The following PREX1 variants were observed in gnomAD, a reference collection of about 807,000 sequenced individuals.
PREX1 encodes phosphatidylinositol-3,4,5-trisphosphate dependent Rac exchange factor 1, also known as phosphatidylinositol 3,4,5-trisphosphate-dependent Rac exchanger 1 protein.
Under a neutral mutation model 198.3 loss-of-function variants are expected in PREX1, and 41 were observed. The observed-to-expected ratio is 0.21, with a 90% confidence interval of 0.16 to 0.27. The LOEUF is 0.27. Ranked by LOEUF, PREX1 falls within the 10% of genes least tolerant of loss-of-function variation. PREX1 has a pLI of 1.00. For synonymous variants in PREX1, 843 were observed against 887.2 expected (o/e 0.95, Z 0.89); for missense variants, 1,620 against 2,200.7 (o/e 0.74, Z 5.28).
At chr20:48,794,722 C>T (rs905008122) in intron 1 of PREX1, among the ~76,000 whole-genome samples, 2 of 152,184 alleles carry the variant, frequency 1.3e-5, no homozygotes, top group Admixed American at 1.3e-4. Flanking sequence ...GGACAGGGTC[C>T]CTAAGAGGGG....
At chr20:48,687,344 T>C (rs1419126893) in intron 10 of PREX1, among the ~76,000 whole-genome samples, 1 of 152,208 alleles carries the variant, frequency 6.6e-6, no homozygotes, top group Non-Finnish European at 1.5e-5. Context: ...GCCATCTTCT[T>C]CTCCTTCTCA....
intron 1 of PREX1, among the ~76,000 whole-genome samples, chr20:48,751,474 G>A (rs566630624): frequency 3.5e-4 from 53 of 152,326 alleles, no homozygotes; most frequent in African/African-American, 1.1e-3. Flanking sequence ...CAAACAAGCC[G>A]GTGTGAAGGC....
At chr20:48,741,675 T>A (rs1443318907) in intron 3 of PREX1, among the ~76,000 whole-genome samples, 3 of 152,068 alleles carry the variant, frequency 2.0e-5, no homozygotes, top group Non-Finnish European at 4.4e-5. Flanking sequence ...ACTGTTCTGT[T>A]GAGAATGACA....
At chr20:48,676,963 T>G (rs2089713923) in intron 13 of PREX1, among the ~76,000 whole-genome samples, 1 of 152,212 alleles carries the variant, frequency 6.6e-6, no homozygotes, top group Non-Finnish European at 1.5e-5. Context: ...AGCATCTGAA[T>G]CCCTGCCGAG....
intron 10 of PREX1, among the ~76,000 whole-genome samples, chr20:48,686,226 C>G (rs1359423894): frequency 6.6e-6 from 1 of 152,130 alleles, no homozygotes; most frequent in Non-Finnish European, 1.5e-5. Flanking sequence ...GCTACCAAGT[C>G]CTTCTACCCT....
intron 1 of PREX1, among the ~76,000 whole-genome samples, chr20:48,788,449 T>C (rs1050481466): frequency 6.6e-6 from 1 of 152,096 alleles, no homozygotes; most frequent in African/African-American, 2.4e-5. Context: ...GCCACCAGCT[T>C]CTATTCCCTC....
intron 7 of PREX1, among the ~76,000 whole-genome samples, chr20:48,697,232 T>C (rs139443687): frequency 0.014 from 2,168 of 152,286 alleles, 22 homozygotes; most frequent in Middle Eastern, 0.061. Flanking sequence ...TGTGTACCTT[T>C]ACATGTTTTA....
intron 3 of PREX1, among the ~76,000 whole-genome samples, chr20:48,738,910 A>C (rs2122742102): frequency 6.6e-6 from 1 of 152,258 alleles, no homozygotes; most frequent in East Asian, 1.9e-4. Context: ...TGGGGAGGAG[A>C]GAAGTGAGAA....
chr20:48,710,964 G>A (rs941151182), intron 5 of PREX1, among the ~76,000 whole-genome samples: 1 of 152,238 alleles, frequency 6.6e-6, no homozygotes. Context: ...GCAGTGGGGT[G>A]TTTGGGTTTC....
intron 1 of PREX1, among the ~76,000 whole-genome samples, chr20:48,826,646 G>A (rs1395941092): frequency 6.6e-6 from 1 of 152,194 alleles, no homozygotes; most frequent in Non-Finnish European, 1.5e-5. Context: ...CTTGAGGCCA[G>A]GAGTCCAAGA....
At chr20:48,681,043 G>C (rs1266673163) in intron 11 of PREX1, among the ~76,000 whole-genome samples, 192 bp downstream of exon 11, 1 of 152,170 alleles carries the variant, frequency 6.6e-6, no homozygotes, top group Non-Finnish European at 1.5e-5. Context: ...GGTTTTTGAG[G>C]TATCCCTGAT....
intron 1 of PREX1, among the ~76,000 whole-genome samples, chr20:48,762,355 C>A (rs1032087574): frequency 6.6e-6 from 1 of 152,072 alleles, no homozygotes; most frequent in Non-Finnish European, 1.5e-5. Flanking sequence ...GTGGATAGTT[C>A]TTTGCTGTGA....
intron 1 of PREX1, among the ~76,000 whole-genome samples, chr20:48,803,508 T>C (rs2090396851): frequency 6.6e-6 from 1 of 151,920 alleles, no homozygotes. Context: ...AAAAGAGGTA[T>C]GTACAGGGAG....
chr20:48,651,528 C>G lies in PREX1; in HGVS notation c.2523G>C (p.Met841Ile). The change falls in exon 22 of 40, where the codon ATG becomes ATC. Residue 841 changes from methionine (M) to isoleucine (I), a missense_variant. Physicochemically the swap from Met to Ile is conservative, Grantham distance 10. Transcript: ENST00000371941. ...GCACGTTGTCCACAGTCAGGGTGAC[C>G]ATGGGGCTGTCCTCACACAGGCTCA... Reference protein sequence around the residue: ...PRLSLCEDSPMVTLTVDNVHL... With the variant: ...PRLSLCEDSPIVTLTVDNVHL... 4 of 1,614,200 alleles carry G rather than the reference C, an allele frequency of 2.5e-6. No individual in the cohort carries two copies. In the South Asian group the frequency reaches 4.4e-5, roughly 18 times the overall value.
At chr20:48,648,701 T>C (rs1485386833) in intron 25 of PREX1, among the ~76,000 whole-genome samples, 2 of 152,158 alleles carry the variant, frequency 1.3e-5, no homozygotes, top group South Asian at 2.1e-4. Context: ...TTGAGTCTCT[T>C]TAATCTCCAG....
At position 48,694,131 on chromosome 20, in the gene PREX1, C is replaced by T. The variant is rs375679412; in HGVS notation, c.918-1341G>A. 1.6e-3 allele frequency among the ~76,000 whole-genome samples: 239 copies of T among 152,150 alleles called. 1 individual carries two copies. The highest frequency in any genetic ancestry group is 5.4e-3 in the African/African-American group (226 of 41,508). On this transcript the variant is annotated intron_variant, in intron 7 of 39. Transcript: ENST00000371941. ...TTCACCATGTTGGCCAGGCTGGTCTCGAACTCCTGACCTCAAGTTATCCAC... is the reference window on the plus strand; with the variant it reads ...TTCACCATGTTGGCCAGGCTGGTCTTGAACTCCTGACCTCAAGTTATCCAC...
intron 8 of PREX1, chr20:48,692,372 T>A (rs2089823868): frequency 7.2e-6 from 2 of 279,360 alleles, no homozygotes; most frequent in Non-Finnish European, 1.4e-5. Flanking sequence ...CATAAATGCT[T>A]AGGAGGTAAA....
intron 16 of PREX1, 56 bp from the exon 17 acceptor site, chr20:48,658,284 G>GC: frequency 6.4e-7 from 1 of 1,561,478 alleles, no homozygotes. Flanking sequence ...CCTACGGCCA[G>GC]CCCCACCGTG....
chr20:48,694,439 T>C (rs565802189), intron 7 of PREX1, among the ~76,000 whole-genome samples: 8 of 152,284 alleles, frequency 5.3e-5, no homozygotes, highest in South Asian at 2.1e-4. Context: ...GAACAAAACA[T>C]CTCTGGGAAC....
Sources: gnomAD v4.1 joint callset for allele counts (sites outside exome capture counted in the v4.1 genomes callset) on GRCh38, gnomAD v4.1.1 for gene constraint, MANE v1.5 for transcripts, NCBI Gene and HGNC (gene_info 2026-07-23, HGNC 2026-07-21) for gene names.